The following LSAMP variants were observed in gnomAD, a reference collection of about 807,000 sequenced individuals.
LSAMP encodes the protein limbic system associated membrane protein, also known as limbic system-associated membrane protein.
A neutral mutation model predicts 38.6 loss-of-function variants in LSAMP; 7 were observed. That is an observed-to-expected ratio of 0.18 (90% CI 0.10 to 0.34). LSAMP has a LOEUF of 0.34. Ranked by LOEUF, LSAMP falls within the 10% of genes least tolerant of loss-of-function variation. LSAMP has a pLI of 1.00. For synonymous variants in LSAMP, 154 were observed against 166.8 expected (o/e 0.92, Z 0.59); for missense variants, 313 against 420.0 (o/e 0.75, Z 2.23).
At chr3:116,246,331 G>C (rs1278399766) in intron 1 of LSAMP, among the ~76,000 whole-genome samples, 1 of 151,770 alleles carries the variant, frequency 6.6e-6, no homozygotes, top group African/African-American at 2.4e-5. Flanking sequence ...ATACATAGGA[G>C]CATAAATATA....
At chr3:116,216,638 A>T (rs2107612036) in intron 1 of LSAMP, among the ~76,000 whole-genome samples, 1 of 152,350 alleles carries the variant, frequency 6.6e-6, no homozygotes, top group Admixed American at 6.5e-5. Flanking sequence ...CTGTTTAGGA[A>T]AAAAAACTAG....
chr3:116,117,258 G>A (rs1446173027), intron 1 of LSAMP, among the ~76,000 whole-genome samples: 2 of 152,064 alleles, frequency 1.3e-5, no homozygotes, highest in Admixed American at 1.3e-4. Context: ...TCCACTGCAG[G>A]GTGACCTGGC....
At chr3:116,044,180 A>G (rs1345557436) in intron 2 of LSAMP, among the ~76,000 whole-genome samples, 3 of 152,240 alleles carry the variant, frequency 2.0e-5, no homozygotes, top group African/African-American at 7.2e-5. Context: ...TTGAGTACAC[A>G]GAGAAAGGCT....
At chr3:116,284,580 C>T (rs992697956) in intron 1 of LSAMP, among the ~76,000 whole-genome samples, 2 of 152,160 alleles carry the variant, frequency 1.3e-5, no homozygotes, top group Non-Finnish European at 2.9e-5. Flanking sequence ...TTCTTCCCAC[C>T]AGGTGAAATC....
intron 3 of LSAMP, among the ~76,000 whole-genome samples, chr3:115,898,832 C>A (rs1398262704): frequency 6.6e-6 from 1 of 151,964 alleles, no homozygotes; most frequent in Non-Finnish European, 1.5e-5. Flanking sequence ...CACTACATAG[C>A]CACAAAGGAA....
chr3:116,309,166 T>C (rs772756896), intron 1 of LSAMP, among the ~76,000 whole-genome samples: 1 of 152,112 alleles, frequency 6.6e-6, no homozygotes, highest in Non-Finnish European at 1.5e-5. Flanking sequence ...AAGCATCAAT[T>C]AGCAATTACA....
At chr3:116,395,807 A>G (rs2107818980) in intron 1 of LSAMP, among the ~76,000 whole-genome samples, 1 of 152,332 alleles carries the variant, frequency 6.6e-6, no homozygotes, top group East Asian at 1.9e-4. Flanking sequence ...TTTACTGGCC[A>G]CAGAAAAATT....
intron 3 of LSAMP, among the ~76,000 whole-genome samples, chr3:115,948,585 A>T (rs116561399): frequency 0.019 from 2,920 of 152,278 alleles, 96 homozygotes; most frequent in African/African-American, 0.066. Flanking sequence ...TAACTGAACA[A>T]TAATAGTGAC....
intron 3 of LSAMP, among the ~76,000 whole-genome samples, chr3:115,890,120 G>A (rs550710442): frequency 2.0e-5 from 3 of 151,922 alleles, no homozygotes; most frequent in Admixed American, 6.6e-5. Context: ...CAGCAATTTT[G>A]ATTTCTTTTC....
At chr3:116,317,554 A>G (rs1282751935) in intron 1 of LSAMP, among the ~76,000 whole-genome samples, 1 of 151,500 alleles carries the variant, frequency 6.6e-6, no homozygotes, top group African/African-American at 2.4e-5. Flanking sequence ...ACGGAGTTTC[A>G]CCGTGTTAGC....
intron 1 of LSAMP, among the ~76,000 whole-genome samples, chr3:116,275,505 T>G (rs988528177): frequency 2.6e-5 from 4 of 151,908 alleles, no homozygotes; most frequent in African/African-American, 9.7e-5. Context: ...AAAGAAACGT[T>G]ATTTACCTAA....
chr3:116,078,580 C>T (rs1576349756), intron 2 of LSAMP, among the ~76,000 whole-genome samples: 1 of 152,194 alleles, frequency 6.6e-6, no homozygotes, highest in East Asian at 1.9e-4. Context: ...CCCGCCTCGG[C>T]CTCCCAGAGT....
At chr3:116,366,013 TAAAAAAAA>T (rs67452614) in intron 1 of LSAMP, among the ~76,000 whole-genome samples, 3 of 28,686 alleles carry the variant, frequency 1.0e-4, no homozygotes, top group East Asian at 1.8e-3. Context: ...TAGAGTATAA[TAAAAAAAA>T]AAAAAAAAAA....
chr3:115,875,412 A>G (rs1490786325), intron 3 of LSAMP, among the ~76,000 whole-genome samples: 3 of 152,104 alleles, frequency 2.0e-5, no homozygotes, highest in Non-Finnish European at 1.5e-5. Flanking sequence ...ATGGGTTATC[A>G]AAATTGCTGC....
chr3:116,272,572 A>G (rs551502282), intron 1 of LSAMP, among the ~76,000 whole-genome samples: 5 of 152,266 alleles, frequency 3.3e-5, no homozygotes, highest in South Asian at 2.1e-4. Flanking sequence ...CTATTTTTGA[A>G]GCAAAGGCCT....
chr3:115,981,214 TA>T (rs1939350424), intron 3 of LSAMP, among the ~76,000 whole-genome samples: 1 of 152,160 alleles, frequency 6.6e-6, no homozygotes, highest in Admixed American at 6.6e-5. Context: ...TGGATAGGGC[TA>T]AAAGGTCCTG....
chr3:116,391,845 T>TTGGGAAGAGGCTTCTCTGCC (rs1194406389), intron 1 of LSAMP, among the ~76,000 whole-genome samples: 15 of 152,220 alleles, frequency 9.9e-5, no homozygotes, highest in African/African-American at 3.6e-4. Flanking sequence ...TTCTTGCGCC[T>TTGGGAAGAGGCTTCTCTGCC]TGGGAAGAGG....
intron 1 of LSAMP, among the ~76,000 whole-genome samples, chr3:116,132,399 A>G (rs1475970288): frequency 6.6e-6 from 1 of 151,036 alleles, no homozygotes; most frequent in Admixed American, 6.6e-5. Flanking sequence ...TGGGATAAAG[A>G]AAATGCAAAA....
intron 3 of LSAMP, among the ~76,000 whole-genome samples, chr3:115,934,023 A>G (rs1443736127): frequency 6.6e-6 from 1 of 152,186 alleles, no homozygotes; most frequent in Non-Finnish European, 1.5e-5. Flanking sequence ...GATAAAGAAA[A>G]GTTTTTGCTA....
Sources: allele counts gnomAD v4.1 joint callset (sites outside exome capture counted in the v4.1 genomes callset), GRCh38; gene constraint gnomAD v4.1.1; transcripts MANE v1.5; gene names NCBI Gene and HGNC (gene_info 2026-07-23, HGNC 2026-07-21).